Variants in ARHGAP25 observed in about 807,000 individuals in gnomAD.
ARHGAP25 encodes the protein Rho GTPase activating protein 25, also known as rho GTPase-activating protein 25.
ARHGAP25 carries 34 observed loss-of-function variants against 71.0 expected under a neutral mutation model. The ratio of observed to expected loss-of-function variants is 0.48; its 90% CI spans 0.36 to 0.64. ARHGAP25 has a LOEUF of 0.64. ARHGAP25 is among the 30% of genes least tolerant of loss of function. The probability of loss-of-function intolerance (pLI) is 0.00; values close to 1 mark genes in which losing one functional copy is unlikely to be tolerated. For missense variants in ARHGAP25, 706 were observed against 805.1 expected (o/e 0.88, Z 1.49); for synonymous variants, 282 against 296.5 (o/e 0.95, Z 0.50).
At chr2:68,798,236 G>C (rs1437532001) in intron 4 of ARHGAP25, among the ~76,000 whole-genome samples, 1 of 152,150 alleles carries the variant, frequency 6.6e-6, no homozygotes. Flanking sequence ...ACCCTTATGA[G>C]CATGATTTCC....
At position 68,729,244 on chromosome 2, in the gene ARHGAP25, G is replaced by A. The variant is rs186971174; in HGVS notation, c.-18+18546G>A. On this transcript the variant is annotated intron_variant and NMD_transcript_variant, in intron 2 of 7. Coordinates refer to the ARHGAP25 transcript ENST00000463483. Reference sequence around the variant, plus strand: ...GTACACTTTGATGGGTGAATTGCATGGTATGTGAATTATGTATCAATACAG... The same window carrying A: ...GTACACTTTGATGGGTGAATTGCATAGTATGTGAATTATGTATCAATACAG... 1.8e-3 allele frequency among the ~76,000 whole-genome samples: 276 copies of A among 152,276 alleles called. 9 individuals carry two copies. In the South Asian group the frequency reaches 0.033, roughly 18 times the overall value.
intron 1 of ARHGAP25, among the ~76,000 whole-genome samples, chr2:68,742,943 AT>A (rs1318731520): frequency 6.6e-6 from 1 of 152,146 alleles, no homozygotes; most frequent in Non-Finnish European, 1.5e-5. Flanking sequence ...CTGCATGGCT[AT>A]TCTTGTTTTC....
At position 68,760,419 on chromosome 2, in the gene ARHGAP25, A is replaced by C. The variant is rs75356220; in HGVS notation, c.62-14802A>C. On this transcript the variant is annotated intron_variant, in intron 1 of 10. Coordinates refer to ENST00000409202, the MANE Select transcript of ARHGAP25 (RefSeq NM_001007231.3). The stretch of plus-strand genomic sequence containing the variant: ...ACTTATCTCTATTTAGAGATAATAT[A>C]ATCTTATATGCAGAAAATCCTAAGG... Among the ~76,000 whole-genome samples the C allele has an allele frequency of 2.4e-3, 371 of 152,132 alleles. 10 individuals carry two copies. The East Asian group carries it at 0.054, about 22-fold the overall frequency.
At chr2:68,799,288 C>T (rs1679791753) in intron 4 of ARHGAP25, among the ~76,000 whole-genome samples, 1 of 152,174 alleles carries the variant, frequency 6.6e-6, no homozygotes, top group Non-Finnish European at 1.5e-5. Flanking sequence ...TTCCTGACAA[C>T]CTTGCCTGTC....
At chr2:68,725,303 G>C (rs1018812622) in intron 2 of ARHGAP25, among the ~76,000 whole-genome samples, 1 of 151,976 alleles carries the variant, frequency 6.6e-6, no homozygotes, top group Non-Finnish European at 1.5e-5. Context: ...AGGCCACAGC[G>C]ATCTTTTATT....
chr2:68,733,589 C>T (rs116440318), upstream of ARHGAP25, among the ~76,000 whole-genome samples: 1,232 of 152,254 alleles, frequency 8.1e-3, 9 homozygotes, highest in Non-Finnish European at 0.014. Context: ...AGAGTGTTAA[C>T]AGCCAGTTCA....
In ARHGAP25 at chr2:68,810,451, C is replaced by T. The variant is rs916611931; in HGVS notation, c.675-2836C>T. On this transcript the variant is annotated intron_variant, in intron 5 of 10. Transcript: ENST00000409202. The stretch of plus-strand genomic sequence containing the variant: ...AACAAGAATGAGAGTTAGCAAGGCC[C>T]AGCAGTGGGCATGGCTTGTCAGGAT... 2.0e-5 allele frequency among the ~76,000 whole-genome samples: 3 copies of T among 152,242 alleles called. No individual in the cohort carries two copies. In the East Asian group the frequency reaches 5.8e-4, roughly 29 times the overall value.
intron 1 of ARHGAP25, among the ~76,000 whole-genome samples, chr2:68,736,847 A>G (rs555207453): frequency 1.3e-5 from 2 of 151,150 alleles, no homozygotes; most frequent in Admixed American, 6.6e-5. Context: ...TTTGACAAGC[A>G]CCCCCCACTT....
chr2:68,745,608 C>T (rs1243021316), intron 1 of ARHGAP25, among the ~76,000 whole-genome samples: 4 of 152,188 alleles, frequency 2.6e-5, no homozygotes, highest in South Asian at 2.1e-4. Context: ...GAGAAGATCA[C>T]CCCTGAGCTG....
At chr2:68,717,977 G>A (rs951593866) in intron 2 of ARHGAP25, among the ~76,000 whole-genome samples, 2 of 152,050 alleles carry the variant, frequency 1.3e-5, no homozygotes, top group African/African-American at 4.8e-5. Flanking sequence ...AGTAAGTACG[G>A]TTTATATCAT....
At position 68,813,804 on chromosome 2, in the gene ARHGAP25, G is replaced by A. The variant is rs938003328; in HGVS notation, c.807+385G>A. 3.9e-5 allele frequency among the ~76,000 whole-genome samples: 6 copies of A among 152,178 alleles called. No individual in the cohort carries two copies. The East Asian group carries it at 5.8e-4, about 15-fold the overall frequency. On this transcript the variant is annotated intron_variant, in intron 6 of 10. Transcript: ENST00000409202. The stretch of plus-strand genomic sequence containing the variant: ...TCTACAGCAGCTGTGAGTGTCAGGC[G>A]TGGTCATCCAAGGAATGCATGTGCC...
At chr2:68,737,212 G>T (rs988819226) in intron 1 of ARHGAP25, among the ~76,000 whole-genome samples, 1 of 152,146 alleles carries the variant, frequency 6.6e-6, no homozygotes, top group African/African-American at 2.4e-5. Flanking sequence ...CTCTGATGGG[G>T]GAGAGCCCTT....
At chr2:68,825,867 G>C in intron 10 of ARHGAP25, 120 bp from the exon 11 acceptor site, 1 of 784,040 alleles carries the variant, frequency 1.3e-6, no homozygotes, top group Non-Finnish European at 2.0e-6. Flanking sequence ...ACATAGCTGA[G>C]AGGTTGGATA....
chr2:68,806,781 C>G (rs1641703520), intron 4 of ARHGAP25, among the ~76,000 whole-genome samples: 1 of 152,332 alleles, frequency 6.6e-6, no homozygotes, highest in African/African-American at 2.4e-5. Context: ...TTATGCTTTA[C>G]TACTCTGTGA....
chr2:68,770,445 A>G (rs942515273), intron 1 of ARHGAP25, among the ~76,000 whole-genome samples: 1 of 152,208 alleles, frequency 6.6e-6, no homozygotes, highest in Non-Finnish European at 1.5e-5. Context: ...CCACACATTT[A>G]CAGCCATCCA....
intron 4 of ARHGAP25, among the ~76,000 whole-genome samples, chr2:68,790,308 C>A (rs1441601918): frequency 6.6e-6 from 1 of 152,162 alleles, no homozygotes; most frequent in Non-Finnish European, 1.5e-5. Flanking sequence ...AGTTACTAAC[C>A]AAAATCATAG....
intron 2 of ARHGAP25, among the ~76,000 whole-genome samples, chr2:68,720,854 A>C (rs1472360407): frequency 6.6e-6 from 1 of 152,098 alleles, no homozygotes; most frequent in Admixed American, 6.6e-5. Context: ...GGGGCTCCTT[A>C]AACCACACCA....
At chr2:68,791,626 A>G (rs1558640602) in intron 4 of ARHGAP25, among the ~76,000 whole-genome samples, 1 of 152,142 alleles carries the variant, frequency 6.6e-6, no homozygotes, top group Non-Finnish European at 1.5e-5. Flanking sequence ...TGCTTCTGAC[A>G]GCAAAACATT....
At chr2:68,734,776 AAC>A (rs34581475), upstream of ARHGAP25, 4,542 of 175,978 alleles carry the variant, frequency 0.026, 114 homozygotes, top group African/African-American at 0.08. Flanking sequence ...TTAAAAAAGA[AAC>A]ACACACACAC....
Sources: allele counts gnomAD v4.1 joint callset (sites outside exome capture counted in the v4.1 genomes callset), GRCh38; gene constraint gnomAD v4.1.1; transcripts MANE v1.5; gene names NCBI Gene and HGNC (gene_info 2026-07-23, HGNC 2026-07-21).